Variants in ADGRD1 observed in about 807,000 individuals in gnomAD.
ADGRD1 encodes G-protein coupled receptor 133.
In ADGRD1, 77 loss-of-function variants were observed where a neutral mutation model predicts 113.4. The observed-to-expected ratio is 0.68, with a 90% CI of 0.57 to 0.82. The LOEUF (loss-of-function observed/expected upper bound fraction) is 0.82, where lower values mean the gene tolerates loss of function less well. Ranked by LOEUF, ADGRD1 falls within the 40% of genes least tolerant of loss-of-function variation. The pLI, the probability that ADGRD1 is intolerant of heterozygous loss-of-function variation, is 0.00. For missense variants in ADGRD1, 1,036 were observed against 1,139.1 expected, an observed-to-expected ratio of 0.91 and a Z score of 1.30; for synonymous variants, 474 against 475.0, an observed-to-expected ratio of 1.00 and a Z score of 0.03.
At chr12:131,104,278 G>C (rs1210820813) in intron 15 of ADGRD1, among the ~76,000 whole-genome samples, 1 of 151,836 alleles carries the variant, frequency 6.6e-6, no homozygotes, top group African/African-American at 2.4e-5. Context: ...TTTGTGCGGG[G>C]ACTGGGAGGG....
chr12:131,089,744 A>G (rs1886775671), intron 15 of ADGRD1, among the ~76,000 whole-genome samples: 1 of 152,176 alleles, frequency 6.6e-6, no homozygotes, highest in South Asian at 2.1e-4. Context: ...TTCAGTCCAC[A>G]CCACACGAGT....
chr12:131,013,081 A>T (rs1593038808), intron 12 of ADGRD1, among the ~76,000 whole-genome samples: 1 of 152,094 alleles, frequency 6.6e-6, no homozygotes, highest in South Asian at 2.1e-4. Flanking sequence ...CAGTGTGAGC[A>T]CCTTCTTCAA....
chr12:131,130,048 G>GA (rs1950873133), intron 20 of ADGRD1, among the ~76,000 whole-genome samples: 1 of 152,368 alleles, frequency 6.6e-6, no homozygotes, highest in African/African-American at 2.4e-5. Flanking sequence ...CACTGCATTT[G>GA]AAAACCACTG....
chr12:130,966,640 A>C lies in ADGRD1; in HGVS notation c.187+94A>C. ...TGAGAGTGGCTGGCCTTGAAATCCC[A>C]GGGCCATTGGGGGACGTGGGTGCTG... is the stretch of plus-strand genomic sequence containing the variant. On this transcript the variant is annotated intron_variant, in intron 3 of 24. Transcript: ENST00000261654. This position sits in a 1 kb window ranked among gnomAD's most constrained non-coding sequence, Gnocchi z 4.6. 1 of 810,276 alleles carries C rather than the reference A, an allele frequency of 1.2e-6. No individual in the cohort carries two copies. Among genetic ancestry groups the C allele is most frequent in the Middle Eastern group, 2.3e-4 (1 of 4,320 alleles). 50.2% of individuals were successfully genotyped at this position (810,276 alleles called of 1,614,324 possible).
chr12:130,997,582 G>A (rs1426673377), intron 8 of ADGRD1, among the ~76,000 whole-genome samples: 1 of 151,382 alleles, frequency 6.6e-6, no homozygotes, highest in Non-Finnish European at 1.5e-5. Flanking sequence ...CGGGGCAAAG[G>A]CGCTCCCCAC....
At chr12:130,960,277 G>A (rs1463029584) in intron 2 of ADGRD1, among the ~76,000 whole-genome samples, 1 of 152,154 alleles carries the variant, frequency 6.6e-6, no homozygotes, top group African/African-American at 2.4e-5. Flanking sequence ...CCAGAAGTTT[G>A]GGGCGGCTCA....
intron 8 of ADGRD1, among the ~76,000 whole-genome samples, chr12:130,998,978 A>C (rs1875983248): frequency 6.6e-6 from 1 of 152,392 alleles, no homozygotes; most frequent in East Asian, 1.9e-4. Context: ...TAGTAATTTC[A>C]TATGGATTCT....
intron 18 of ADGRD1, among the ~76,000 whole-genome samples, chr12:131,115,885 A>G (rs1037928979): frequency 6.6e-6 from 1 of 152,166 alleles, no homozygotes; most frequent in Non-Finnish European, 1.5e-5. Flanking sequence ...CTAGTGAGGA[A>G]GGCAACTCAT....
chr12:131,085,840 G>A (rs914318165), intron 15 of ADGRD1, among the ~76,000 whole-genome samples: 11 of 152,176 alleles, frequency 7.2e-5, no homozygotes, highest in South Asian at 2.1e-4. Flanking sequence ...AAGCAGTGAC[G>A]CCTCCAGCGT....
chr12:130,997,613 G>C lies in ADGRD1; in HGVS notation c.967-2770G>C, dbSNP rs1283040867. On this transcript the variant is annotated intron_variant, in intron 8 of 24. Transcript: ENST00000261654. Reference sequence around the variant, plus strand: ...CCCACATCTCAGACGATGGGCGGCCGGGCAGAGACACTCCTCGCTTCCTAG... The same window carrying C: ...CCCACATCTCAGACGATGGGCGGCCCGGCAGAGACACTCCTCGCTTCCTAG... 5.3e-5 allele frequency among the ~76,000 whole-genome samples: 8 copies of C among 151,860 alleles called. No homozygotes were observed. In the East Asian group the frequency reaches 7.8e-4, roughly 15 times the overall value.
At chr12:131,078,981 A>G (rs1474624715) in intron 14 of ADGRD1, among the ~76,000 whole-genome samples, 1 of 152,112 alleles carries the variant, frequency 6.6e-6, no homozygotes, top group Non-Finnish European at 1.5e-5. Flanking sequence ...ACCCTCCAAG[A>G]TGCCCCCGTG....
In ADGRD1 at chr12:130,954,696, T is replaced by TC; in HGVS notation, c.103+41dup. On this transcript the variant is annotated intron_variant, in intron 2 of 24. Coordinates refer to ENST00000261654, the MANE Select transcript of ADGRD1 (RefSeq NM_198827.5). This position sits in a 1 kb window ranked among gnomAD's most constrained non-coding sequence, Gnocchi z 4.7. ...TTCCTTCTCACTCTGAGCACCGCTC[T>TC]CCCCCTGCCTAGTGCAGGTATCTCA... 1 of 1,585,006 alleles carries TC rather than the reference T, an allele frequency of 6.3e-7. No individual in the cohort carries two copies. Among genetic ancestry groups the TC allele is most frequent in the Non-Finnish European group, 8.7e-7 (1 of 1,155,122 alleles).
intron 13 of ADGRD1, among the ~76,000 whole-genome samples, chr12:131,051,482 T>TTTCC (rs1388000572): frequency 1.2e-3 from 1 of 854 alleles, no homozygotes; most frequent in East Asian, 0.024. Flanking sequence ...TCTTTCTTTC[T>TTTCC]TTTCTTTTTT....
chr12:131,084,756 C>T lies in ADGRD1; in HGVS notation c.1671+93C>T, dbSNP rs967782228. On this transcript the variant is annotated intron_variant, in intron 15 of 24. Coordinates refer to ENST00000261654, the MANE Select transcript of ADGRD1 (RefSeq NM_198827.5). The surrounding 1 kb of genome is among the most constrained non-coding windows in gnomAD (Gnocchi z 4.5). ...AGGATGCTTTGCCCGCCAGTGCCCA[C>T]GGGCCCTGGGCACATTACTCCATGG... 1.4e-5 allele frequency: 19 copies of T among 1,371,392 alleles called. No individual in the cohort carries two copies. Among genetic ancestry groups the T allele is most frequent in the Admixed American group, 1.9e-5 (1 of 52,424 alleles). The allele number at this position is 1,371,392 out of a possible 1,614,324, so 85.0% of individuals were successfully genotyped here.
At chr12:131,047,852 C>G (rs1449460349) in intron 13 of ADGRD1, among the ~76,000 whole-genome samples, 1 of 152,186 alleles carries the variant, frequency 6.6e-6, no homozygotes, top group Admixed American at 6.5e-5. Flanking sequence ...GCCTGCTTCT[C>G]CCTCAAGTAA....
rs1873450946 is a variant in ADGRD1 at position 130,984,891 on chromosome 12, TCTC to T, written c.491-2203_491-2201del. ...TTTCCTTCTTTCCTTCCTTCTTTCT[TCTC>T]TTCTCTCTCTCTCTCACTCTCTCTC... On this transcript the variant is annotated intron_variant, in intron 5 of 24. Coordinates refer to ENST00000261654, the MANE Select transcript of ADGRD1 (RefSeq NM_198827.5). The surrounding 1 kb of genome is among the most constrained non-coding windows in gnomAD (Gnocchi z 4.1). 6.7e-6 allele frequency among the ~76,000 whole-genome samples: 1 copy of T among 149,662 alleles called. No homozygotes were observed. Among genetic ancestry groups the T allele is most frequent in the South Asian group, 2.2e-4 (1 of 4,586 alleles).
chr12:131,046,855 C>T (rs1241067633), intron 13 of ADGRD1, among the ~76,000 whole-genome samples: 60 of 123,906 alleles, frequency 4.8e-4, no homozygotes, highest in Admixed American at 4.7e-3. Flanking sequence ...CAGTGTCCTC[C>T]CTGGTCAGTG....
intron 21 of ADGRD1, among the ~76,000 whole-genome samples, chr12:131,133,240 C>A (rs1950983095): frequency 1.3e-5 from 2 of 152,264 alleles, no homozygotes; most frequent in South Asian, 4.2e-4. Flanking sequence ...CAGCTTGTCT[C>A]CAGCAAAAGC....
intron 21 of ADGRD1, among the ~76,000 whole-genome samples, chr12:131,133,955 G>A (rs879559557): frequency 1.3e-5 from 2 of 152,178 alleles, no homozygotes; most frequent in Non-Finnish European, 2.9e-5. Context: ...CCCTCCACAG[G>A]GTTGGCTTTC....
Sources: allele counts gnomAD v4.1 joint callset (sites outside exome capture counted in the v4.1 genomes callset), GRCh38; gene constraint gnomAD v4.1.1; non-coding constraint Gnocchi (gnomAD v3.1); transcripts MANE v1.5; gene names NCBI Gene and HGNC (gene_info 2026-07-23, HGNC 2026-07-21).